The following MINDY2 variants were observed in gnomAD, a reference collection of about 807,000 sequenced individuals.
The protein encoded by MINDY2 is MINDY lysine 48 deubiquitinase 2.
Under a neutral mutation model 68.2 loss-of-function variants are expected in MINDY2, and 52 were observed. The observed-to-expected ratio is 0.76, with a 90% confidence interval of 0.61 to 0.96. The LOEUF (loss-of-function observed/expected upper bound fraction) is 0.96, where lower values mean the gene tolerates loss of function less well. Among genes scored for constraint, MINDY2 ranks in the 40% least tolerant of loss-of-function variants. MINDY2 has a pLI of 0.00. For missense variants in MINDY2, 881 were observed against 773.4 expected (o/e 1.14, Z -1.65); for synonymous variants, 372 against 303.0 (o/e 1.23, Z -2.36).
rs540190279 is a variant in MINDY2, at chr15:58,771,789, C to G, written c.394C>G (p.Arg132Gly). Reference protein sequence around the residue: ...ELGTAGDAGARPDLAGTCQAE... With the variant: ...ELGTAGDAGAGPDLAGTCQAE... The stretch of plus-strand genomic sequence containing the variant: ...GGGTACCGCCGGAGACGCGGGAGCC[C>G]GCCCGGATCTCGCCGGCACCTGCCA... Residue 132 changes from arginine to glycine, a missense_variant, in exon 1 of 9, where the codon CGC becomes GGC. Transcript: ENST00000559228. 1.9e-5 allele frequency: 30 copies of G among 1,610,104 alleles called. 1 individual carries two copies. The highest frequency in any genetic ancestry group is 1.2e-4 in the Admixed American group (7 of 59,756).
intron 6 of MINDY2, among the ~76,000 whole-genome samples, chr15:58,840,650 T>G (rs968253115): frequency 6.8e-6 from 1 of 146,458 alleles, no homozygotes; most frequent in East Asian, 2.0e-4. Context: ...ATTATTATTA[T>G]TATTATTATT....
chr15:58,789,287 G>T (rs546196925), intron 2 of MINDY2, among the ~76,000 whole-genome samples: 1 of 150,776 alleles, frequency 6.6e-6, no homozygotes, highest in Non-Finnish European at 1.5e-5. Flanking sequence ...GCAGTGAGCC[G>T]AGATTGCACC....
At chr15:58,801,406 AAAAG>A (rs1902648330) in intron 2 of MINDY2, among the ~76,000 whole-genome samples, 1 of 126,502 alleles carries the variant, frequency 7.9e-6, no homozygotes, top group Non-Finnish European at 1.7e-5. Flanking sequence ...AAAAAAAAAA[AAAAG>A]ATGATAATTA....
At chr15:58,824,993 G>T (rs2031302725) in intron 5 of MINDY2, among the ~76,000 whole-genome samples, 1 of 152,116 alleles carries the variant, frequency 6.6e-6, no homozygotes, top group African/African-American at 2.4e-5. Context: ...ATTATCTTGA[G>T]TGGTGTTCAG....
At chr15:58,842,643 G>A (rs1248561365) in intron 6 of MINDY2, among the ~76,000 whole-genome samples, 4 of 152,156 alleles carry the variant, frequency 2.6e-5, no homozygotes, top group Admixed American at 1.3e-4. Context: ...TTAAATAGGA[G>A]ATAGAAGCAG....
intron 3 of MINDY2, among the ~76,000 whole-genome samples, chr15:58,806,456 C>G (rs1485196610): frequency 6.6e-6 from 1 of 151,062 alleles, no homozygotes; most frequent in Non-Finnish European, 1.5e-5. Context: ...CTCCTGGGCT[C>G]AAGTGATCTG....
In MINDY2 at chr15:58,782,911, G is replaced by GTTTTT. The variant is rs1157376592; in HGVS notation, c.841-4973_841-4969dup. 6.7e-4 allele frequency among the ~76,000 whole-genome samples: 43 copies of GTTTTT among 64,494 alleles called. 6 individuals are homozygous for GTTTTT. The highest frequency in any genetic ancestry group is 1.2e-3 in the African/African-American group (20 of 16,854). 42.3% of individuals were successfully genotyped at this position (64,494 alleles called of 152,430 possible). Reference sequence around the variant, plus strand: ...TCAATATATTTAATTTTTTCTCTCTGTTTTTTTTTTTTTTTTTTTTTTTTT... The same window carrying GTTTTT: ...TCAATATATTTAATTTTTTCTCTCTGTTTTTTTTTTTTTTTTTTTTTTTTTTTTTT... On this transcript the variant is annotated intron_variant, in intron 1 of 8. Coordinates refer to ENST00000559228, the MANE Select transcript of MINDY2 (RefSeq NM_001040450.3).
In MINDY2 at chr15:58,786,089, C is replaced by G. The variant is rs1901478623; in HGVS notation, c.841-1817C>G. 2.6e-5 allele frequency among the ~76,000 whole-genome samples: 4 copies of G among 152,200 alleles called. No individual in the cohort carries two copies. The South Asian group carries it at 8.3e-4, about 31-fold the overall frequency. The stretch of plus-strand genomic sequence containing the variant: ...AAATCTACTGGATGACTAAATATAA[C>G]TATTGACTGTCATATATGCTTACAG... On this transcript the variant is annotated intron_variant, in intron 1 of 8. Transcript: ENST00000559228.
In MINDY2 at chr15:58,771,917, C is replaced by T; in HGVS notation, c.522C>T (p.Asp174=). Residue 174 remains aspartate, a synonymous_variant, in exon 1 of 9, where the codon GAC becomes GAT. Coordinates refer to ENST00000559228, the MANE Select transcript of MINDY2 (RefSeq NM_001040450.3). ...CTCCTGGGGAATCTCCGAGCCTGGA[C>T]TCTCTGGAGTCGTTCTCTAACCTGC... The part of the protein sequence containing the change: ...PSPPGESPSL[D]SLESFSNLHS... 1.3e-6 allele frequency: 2 copies of T among 1,556,882 alleles called. No homozygotes were observed. Among genetic ancestry groups the T allele is most frequent in the Non-Finnish European group, 1.7e-6 (2 of 1,153,102 alleles).
chr15:58,812,556 C>T (rs2030363540), intron 4 of MINDY2, among the ~76,000 whole-genome samples: 1 of 151,360 alleles, frequency 6.6e-6, no homozygotes, highest in Non-Finnish European at 1.5e-5. Context: ...AGGAAATTGA[C>T]ATTAGTAAAG....
At chr15:58,798,361 G>C (rs1595722341) in intron 2 of MINDY2, among the ~76,000 whole-genome samples, 1 of 149,806 alleles carries the variant, frequency 6.7e-6, no homozygotes, top group Non-Finnish European at 1.5e-5. Flanking sequence ...TCCTGACCTC[G>C]TGATCCACCC....
At chr15:58,779,179 G>C (rs1900974350) in intron 1 of MINDY2, among the ~76,000 whole-genome samples, 1 of 152,064 alleles carries the variant, frequency 6.6e-6, no homozygotes. Flanking sequence ...ACAGGCGTGA[G>C]TCACCATGGC....
chr15:58,819,063 T>C lies in MINDY2; in HGVS notation c.1123-2654T>C, dbSNP rs112011499. Among the ~76,000 whole-genome samples, 1,375 of 152,250 alleles carry C rather than the reference T, an allele frequency of 9.0e-3. 21 individuals are homozygous for C. Among genetic ancestry groups the C allele is most frequent in the African/African-American group, 0.031 (1,298 of 41,522 alleles). ...GCATGATCATAGCTCATTGCAGCCT[T>C]GAACTCCTGGACTCAAGCGATCCTT... On this transcript the variant is annotated intron_variant, in intron 4 of 8. Coordinates refer to ENST00000559228, the MANE Select transcript of MINDY2 (RefSeq NM_001040450.3).
chr15:58,777,131 A>T (rs1156501739), intron 1 of MINDY2, among the ~76,000 whole-genome samples: 1 of 152,178 alleles, frequency 6.6e-6, no homozygotes, highest in Admixed American at 6.6e-5. Flanking sequence ...TTCTTTAAAA[A>T]CTATTAGCAT....
At chr15:58,805,795 G>A (rs1902966666) in intron 3 of MINDY2, among the ~76,000 whole-genome samples, 1 of 152,168 alleles carries the variant, frequency 6.6e-6, no homozygotes, top group Non-Finnish European at 1.5e-5. Flanking sequence ...CAGAGTCTCG[G>A]CTGGGCACAG....
In MINDY2 at chr15:58,831,686, A is replaced by G. The variant is rs536513645; in HGVS notation, c.1226-88A>G. ...GTATTATAATTATTGGCCTTTTTCC[A>G]TACTTGGAACACACTTTAAATAGAA... On this transcript the variant is annotated intron_variant, in intron 5 of 8. Coordinates refer to ENST00000559228, the MANE Select transcript of MINDY2 (RefSeq NM_001040450.3). 8 of 1,218,678 alleles carry G rather than the reference A, an allele frequency of 6.6e-6. No homozygotes were observed. The South Asian group carries it at 7.8e-5, about 12-fold the overall frequency. The allele number at this position is 1,218,678 out of a possible 1,614,324, so 75.5% of individuals were successfully genotyped here. A position where few individuals can be genotyped will look rare whatever the true frequency, so the allele number is the denominator to read the frequency against.
Position 58,781,785 on chromosome 15 carries a change from C to T in MINDY2, c.841-6121C>T, listed in dbSNP as rs570605739. ...GTGTGTGGTGGCGGGCGCCTGTAATCCCAGCTACTCGGGAGGCTGAGGCAG... is the reference window on the plus strand; with the variant it reads ...GTGTGTGGTGGCGGGCGCCTGTAATTCCAGCTACTCGGGAGGCTGAGGCAG... On this transcript the variant is annotated intron_variant, in intron 1 of 8. Coordinates refer to ENST00000559228, the MANE Select transcript of MINDY2 (RefSeq NM_001040450.3). Among the ~76,000 whole-genome samples the T allele has an allele frequency of 2.5e-3, 375 of 152,186 alleles. 2 individuals are homozygous for T. Among genetic ancestry groups the T allele is most frequent in the Non-Finnish European group, 2.7e-3 (184 of 68,000 alleles).
intron 5 of MINDY2, among the ~76,000 whole-genome samples, chr15:58,826,375 A>G (rs2031396742): frequency 6.6e-6 from 1 of 151,868 alleles, no homozygotes; most frequent in Admixed American, 6.6e-5. Flanking sequence ...GATCACAGGC[A>G]TGCGCCACCA....
rs745803920 is a variant in MINDY2, at chr15:58,772,050, AAGG to A, written c.665_667del (p.Glu222del). ...GTTGCCCGGGGCTGTTCCTCTGTGC[AAGG>A]AGGAGGAGGGGGAGGAGACCGCTCA... On this transcript the variant is annotated inframe_deletion, in exon 1 of 9. Transcript: ENST00000559228. 2 of 1,609,130 alleles carry A rather than the reference AAGG, an allele frequency of 1.2e-6. No homozygotes were observed. Among genetic ancestry groups the A allele is most frequent in the East Asian group, 2.2e-5 (1 of 44,870 alleles).
Sources: gnomAD v4.1 joint callset for allele counts (sites outside exome capture counted in the v4.1 genomes callset) on GRCh38, gnomAD v4.1.1 for gene constraint, MANE v1.5 for transcripts, NCBI Gene and HGNC (gene_info 2026-07-23, HGNC 2026-07-21) for gene names.